The following PI4K2A variants were observed in gnomAD, a reference collection of about 807,000 sequenced individuals.
The protein encoded by PI4K2A is phosphatidylinositol 4-kinase type 2 alpha.
In PI4K2A, 20 loss-of-function variants were observed where a neutral mutation model predicts 55.0. The ratio of observed to expected loss-of-function variants is 0.36; its 90% confidence interval spans 0.26 to 0.53. The LOEUF (loss-of-function observed/expected upper bound fraction) is 0.53. Ranked by LOEUF, PI4K2A falls within the 20% of genes least tolerant of loss-of-function variation. PI4K2A has a pLI of 0.91. For synonymous variants in PI4K2A, 235 were observed against 258.5 expected (o/e 0.91, Z 0.87); for missense variants, 463 against 637.1 (o/e 0.73, Z 2.94).
At chr10:97,675,405 C>T (rs1052356078) in exon 9 of PI4K2A, 2 of 152,404 alleles carry the variant, frequency 1.3e-5, no homozygotes, top group Non-Finnish European at 2.9e-5. Flanking sequence ...GCCCTGTGGA[C>T]GAAGGTACAG....
chr10:97,662,873 C>G, intron 4 of PI4K2A, 34 bp from the exon 5 acceptor site: 1 of 1,454,066 alleles, frequency 6.9e-7, no homozygotes, highest in Non-Finnish European at 9.7e-7. Flanking sequence ...AATCATCCCC[C>G]CTTTTTCTGC....
At chr10:97,670,105 G>A (rs2041628105) in intron 8 of PI4K2A, among the ~76,000 whole-genome samples, 1 of 151,940 alleles carries the variant, frequency 6.6e-6, no homozygotes, top group Non-Finnish European at 1.5e-5. Context: ...TCGCTATGTT[G>A]CCCAGGCTGG....
At chr10:97,642,911 T>G (rs2041484958) in intron 1 of PI4K2A, among the ~76,000 whole-genome samples, 1 of 140,562 alleles carries the variant, frequency 7.1e-6, no homozygotes, top group African/African-American at 2.8e-5. Flanking sequence ...CTTCCTTCCT[T>G]CCTTCCTTCC....
At chr10:97,667,838 A>T (rs2041616916) in intron 8 of PI4K2A, among the ~76,000 whole-genome samples, 1 of 152,220 alleles carries the variant, frequency 6.6e-6, no homozygotes. Context: ...ACAGGATAGT[A>T]ATAATACGTT....
At chr10:97,657,016 G>C (rs2041558317) in intron 4 of PI4K2A, 42 bp downstream of exon 4, 1 of 1,607,180 alleles carries the variant, frequency 6.2e-7, no homozygotes, top group Non-Finnish European at 8.5e-7. Flanking sequence ...GCCAGACTGT[G>C]TTGAGGCATG....
At chr10:97,661,061 G>T (rs1329302026) in intron 4 of PI4K2A, among the ~76,000 whole-genome samples, 1 of 151,584 alleles carries the variant, frequency 6.6e-6, no homozygotes, top group Non-Finnish European at 1.5e-5. Flanking sequence ...GCCCAATCTC[G>T]GTTCACTGCA....
chr10:97,661,375 CTTT>C (rs35506472), intron 4 of PI4K2A, among the ~76,000 whole-genome samples: 10 of 146,264 alleles, frequency 6.8e-5, no homozygotes, highest in Admixed American at 1.4e-4. Context: ...GAGATAAAGA[CTTT>C]TTTTTTTTTT....
Position 97,656,797 on chromosome 10 carries a change from T to G in PI4K2A, c.769-24T>G, listed in dbSNP as rs1457549261. On this transcript the variant is annotated intron_variant, in intron 3 of 8. Coordinates refer to ENST00000370631, the Ensembl canonical transcript of PI4K2A. The surrounding 1 kb of genome is among the most constrained non-coding windows in gnomAD (Gnocchi z 4.5). ...TGGATTTGGGCAGTAGGGAAAAACC[T>G]TTGTTCCTTCCTCTTGGTTCCAGGT... 7.4e-6 allele frequency: 12 copies of G among 1,612,734 alleles called. No homozygotes were observed.
intron 5 of PI4K2A, among the ~76,000 whole-genome samples, chr10:97,664,538 T>G (rs1395697634): frequency 6.6e-6 from 1 of 152,236 alleles, no homozygotes; most frequent in African/African-American, 2.4e-5. Flanking sequence ...ATTTTATTTC[T>G]TCTGTTCTGC....
chr10:97,657,165 C>T (rs2041558843), intron 4 of PI4K2A, among the ~76,000 whole-genome samples, 191 bp downstream of exon 4: 1 of 152,148 alleles, frequency 6.6e-6, no homozygotes, highest in African/African-American at 2.4e-5. Flanking sequence ...AGACAGAAGA[C>T]ACTTAACTCT....
rs754782168 is a variant in PI4K2A, at chr10:97,664,854, C to T, written c.985-31C>T. 7 of 1,489,210 alleles carry T rather than the reference C, an allele frequency of 4.7e-6. No individual in the cohort carries two copies. The Admixed American group carries it at 6.7e-5, about 14-fold the overall frequency. The allele number at this position is 1,489,210 out of a possible 1,614,324, so 92.2% of individuals were successfully genotyped here. On this transcript the variant is annotated intron_variant, in intron 5 of 8. Coordinates refer to ENST00000370631, the Ensembl canonical transcript of PI4K2A. Reference sequence around the variant, plus strand: ...GGAAGGGCCTGAGGGAGATGGGTTTCCTCAGTCATTAGTCTTTCCTTGCTC... The same window carrying T: ...GGAAGGGCCTGAGGGAGATGGGTTTTCTCAGTCATTAGTCTTTCCTTGCTC...
Position 97,642,809 on chromosome 10 carries a change from TCC to T in PI4K2A, c.435+1633_435+1634del, listed in dbSNP as rs1476884705. 3.8e-4 allele frequency among the ~76,000 whole-genome samples: 7 copies of T among 18,326 alleles called. 1 individual carries two copies. The highest frequency in any genetic ancestry group is 6.6e-4 in the Non-Finnish European group (6 of 9,036). The allele number at this position is 18,326 out of a possible 152,430, so 12.0% of individuals were successfully genotyped here. ...AGAGGCTTGCTTGCTTTCTCTTTCTTCCTTCCTTCCTTCCTTCCTTCCTTCCT... is the reference window on the plus strand; with the variant it reads ...AGAGGCTTGCTTGCTTTCTCTTTCTTTTCCTTCCTTCCTTCCTTCCTTCCT... On this transcript the variant is annotated intron_variant, in intron 1 of 8. Transcript: ENST00000370631.
At chr10:97,668,195 T>C (rs1390437406) in intron 8 of PI4K2A, among the ~76,000 whole-genome samples, 1 of 152,234 alleles carries the variant, frequency 6.6e-6, no homozygotes, top group African/African-American at 2.4e-5. Flanking sequence ...TTTTGAAGCC[T>C]GGCTCTGCCA....
At chr10:97,640,939 G>A (rs1389692578) in exon 1 of PI4K2A, 6 of 1,389,382 alleles carry the variant, frequency 4.3e-6, no homozygotes, top group Non-Finnish European at 5.5e-6. Flanking sequence ...GATCGGGCCC[G>A]GGGCGCGGCG....
Position 97,673,689 on chromosome 10 carries a change from G to C in PI4K2A, c.1387G>C (p.Glu463Gln), listed in dbSNP as rs758908521. The change falls in exon 9 of 9, where the codon GAG becomes CAG. Residue 463 changes from glutamate (E) to glutamine (Q), a missense_variant. Physicochemically the swap from Glu to Gln is conservative, Grantham distance 29. Around this residue, in one of 2 missense-constraint regions of PI4K2A, gnomAD observed 277 missense variants for 432.6 expected, o/e 0.64. Coordinates refer to ENST00000370631, the Ensembl canonical transcript of PI4K2A. ...CCGTTCCCACCAGCGGTCTTCTAGC[G>C]AGTCCTACACACAGAGCTTTCAGAG... 1.9e-6 allele frequency: 3 copies of C among 1,614,072 alleles called. No individual in the cohort carries two copies. In the South Asian group the frequency reaches 3.3e-5, roughly 18 times the overall value.
chr10:97,665,566 G>A (rs555056644), intron 6 of PI4K2A, among the ~76,000 whole-genome samples: 108 of 152,108 alleles, frequency 7.1e-4, no homozygotes, highest in African/African-American at 2.3e-3. Flanking sequence ...GAGCCACTGC[G>A]CCTGGCTGAG....
In PI4K2A at chr10:97,648,552, A is replaced by C. The variant is rs187655956; in HGVS notation, c.436-2389A>C. Among the ~76,000 whole-genome samples the C allele has an allele frequency of 5.4e-3, 818 of 152,278 alleles. 3 individuals are homozygous for C. The highest frequency in any genetic ancestry group is 7.6e-3 in the Non-Finnish European group (519 of 68,012). On this transcript the variant is annotated intron_variant, in intron 1 of 8. Transcript: ENST00000370631. ...GTAGAAGTATTTACCAGTTGACCTC[A>C]GCCCTGGTATTTTTCAGCCCCCAGT...
intron 1 of PI4K2A, among the ~76,000 whole-genome samples, chr10:97,649,609 AT>A (rs60329004): frequency 2.5e-3 from 179 of 70,488 alleles, no homozygotes; most frequent in East Asian, 6.2e-3. Flanking sequence ...TCCATAATAG[AT>A]TTTTTTTTTT....
intron 8 of PI4K2A, among the ~76,000 whole-genome samples, chr10:97,670,670 T>A (rs1482808805): frequency 6.6e-6 from 1 of 152,164 alleles, no homozygotes; most frequent in East Asian, 1.9e-4. Flanking sequence ...TTGTTACCAA[T>A]AGGGTAACAA....
Sources: gnomAD v4.1 joint callset for allele counts (sites outside exome capture counted in the v4.1 genomes callset) on GRCh38, gnomAD v4.1.1 for gene constraint, gnomAD v4.1.1 regional missense constraint, Gnocchi (gnomAD v3.1) non-coding constraint, MANE v1.5 for transcripts, NCBI Gene and HGNC (gene_info 2026-07-23, HGNC 2026-07-21) for gene names.